Variants in NCAM1 observed in about 807,000 individuals in gnomAD.
NCAM1 encodes antigen recognized by monoclonal antibody 5.1H11.
In NCAM1, 14 loss-of-function variants were observed where a neutral mutation model predicts 109.8. The ratio of observed to expected loss-of-function variants is 0.13; its 90% CI spans 0.08 to 0.20. The LOEUF is 0.20. NCAM1 is among the 10% of genes least tolerant of loss of function. NCAM1 has a pLI of 1.00. For missense variants in NCAM1, 774 were observed against 1,109.9 expected, an observed-to-expected ratio of 0.70 and a Z score of 4.30; for synonymous variants, 418 against 442.9, an observed-to-expected ratio of 0.94 and a Z score of 0.70.
intron 1 of NCAM1, among the ~76,000 whole-genome samples, chr11:113,009,312 GTTTTTTTTT>G (rs781818836): frequency 3.1e-4 from 25 of 79,688 alleles, no homozygotes; most frequent in African/African-American, 1.1e-3. Flanking sequence ...GTTTTTTCGG[GTTTTTTTTT>G]TTTTTTTTTT....
intron 1 of NCAM1, among the ~76,000 whole-genome samples, chr11:113,084,595 T>C (rs1555087900): frequency 6.6e-6 from 1 of 152,208 alleles, no homozygotes; most frequent in East Asian, 1.9e-4. Flanking sequence ...GATGGGTTCT[T>C]ATGTACCATG....
intron 1 of NCAM1, among the ~76,000 whole-genome samples, chr11:113,105,633 A>G (rs530736895): frequency 6.6e-6 from 1 of 152,344 alleles, no homozygotes; most frequent in South Asian, 2.1e-4. Context: ...AAATGTTGAA[A>G]ACATTATGCT....
intron 1 of NCAM1, among the ~76,000 whole-genome samples, chr11:113,067,047 G>A (rs1321590877): frequency 2.1e-4 from 31 of 151,142 alleles, no homozygotes; most frequent in Non-Finnish European, 4.4e-5. Context: ...GAACACAATG[G>A]CATCTTCACA....
chr11:112,964,538 C>T (rs1565352088), intron 1 of NCAM1, among the ~76,000 whole-genome samples: 1 of 152,258 alleles, frequency 6.6e-6, no homozygotes, highest in East Asian at 1.9e-4. Context: ...GAACAAAGAG[C>T]TACTTTACAA....
chr11:113,003,216 C>A (rs149593518), intron 1 of NCAM1, among the ~76,000 whole-genome samples: 1 of 152,360 alleles, frequency 6.6e-6, no homozygotes, highest in East Asian at 1.9e-4. Flanking sequence ...TTATGTGTCT[C>A]TCTCTCACTC....
intron 1 of NCAM1, among the ~76,000 whole-genome samples, chr11:112,975,898 A>C (rs1950993697): frequency 6.6e-6 from 1 of 151,976 alleles, no homozygotes; most frequent in Non-Finnish European, 1.5e-5. Flanking sequence ...TTGAGAATAT[A>C]AACATTTCAC....
intron 1 of NCAM1, among the ~76,000 whole-genome samples, chr11:113,104,758 C>T (rs1303323622): frequency 1.3e-5 from 2 of 152,098 alleles, no homozygotes; most frequent in Non-Finnish European, 2.9e-5. Flanking sequence ...GCAGCTGAGT[C>T]CTGTAATATT....
chr11:113,251,398 G>T (rs139601002), intron 15 of NCAM1, among the ~76,000 whole-genome samples: 1 of 152,156 alleles, frequency 6.6e-6, no homozygotes, highest in Non-Finnish European at 1.5e-5. Context: ...CCTGCAATCG[G>T]CATGGCCAGA....
intron 1 of NCAM1, among the ~76,000 whole-genome samples, chr11:113,075,886 A>G (rs1938503042): frequency 6.6e-6 from 1 of 152,196 alleles, no homozygotes; most frequent in Non-Finnish European, 1.5e-5. Flanking sequence ...GCTTGTCATC[A>G]TCCTTGGCCA....
chr11:113,259,523 G>T (rs1039483706), intron 16 of NCAM1, among the ~76,000 whole-genome samples: 1 of 152,126 alleles, frequency 6.6e-6, no homozygotes, highest in South Asian at 2.1e-4. Flanking sequence ...TGTAGCCTGG[G>T]AGACAGGAGT....
intron 1 of NCAM1, among the ~76,000 whole-genome samples, chr11:113,126,180 T>C (rs1941169999): frequency 6.7e-6 from 1 of 149,640 alleles, no homozygotes; most frequent in African/African-American, 2.5e-5. Flanking sequence ...ATAGTAAGAA[T>C]AAAACCCTCC....
chr11:113,180,907 C>T (rs1466944318), intron 1 of NCAM1, among the ~76,000 whole-genome samples: 1 of 152,220 alleles, frequency 6.6e-6, no homozygotes, highest in Non-Finnish European at 1.5e-5. Flanking sequence ...CATGCTGCGT[C>T]CCAGAGATGA....
rs1946447090 is a variant in NCAM1, at chr11:113,278,301, C to CTT, written c.*2918_*2919dup. On this transcript the variant is annotated 3_prime_UTR_variant, in exon 20 of 20. Coordinates refer to ENST00000316851, the MANE Select transcript of NCAM1 (RefSeq NM_181351.5). ...GGGGGCCTTCTCTCTTGTTATAAAA[C>CTT]TTTTTACCAAGTGAAACATCGATAC... The CTT allele has an allele frequency of 6.6e-6, 1 of 152,170 alleles. No homozygotes were observed. The highest frequency in any genetic ancestry group is 2.4e-5 in the African/African-American group (1 of 41,438). The allele number at this position is 152,170 out of a possible 1,614,324, so 9.4% of individuals were successfully genotyped here. A position where few individuals can be genotyped will look rare whatever the true frequency, so the allele number is the denominator to read the frequency against.
intron 7 of NCAM1, among the ~76,000 whole-genome samples, chr11:113,210,952 A>G (rs568753526): frequency 6.6e-6 from 1 of 152,338 alleles, no homozygotes; most frequent in East Asian, 1.9e-4. Flanking sequence ...CTGAGTCCAC[A>G]CAGAATGGGA....
At chr11:113,250,864 C>A (rs1234042977) in intron 15 of NCAM1, among the ~76,000 whole-genome samples, 1 of 152,242 alleles carries the variant, frequency 6.6e-6, no homozygotes, top group Non-Finnish European at 1.5e-5. Flanking sequence ...GTGGTGCGAT[C>A]TCTGCTCACT....
chr11:113,078,249 G>C (rs1248265516), intron 1 of NCAM1, among the ~76,000 whole-genome samples: 3 of 152,062 alleles, frequency 2.0e-5, no homozygotes, highest in Non-Finnish European at 4.4e-5. Context: ...CTCTGCCTCT[G>C]TCTTCACATG....
intron 1 of NCAM1, among the ~76,000 whole-genome samples, chr11:113,014,912 C>T (rs1038074870): frequency 1.3e-5 from 2 of 152,216 alleles, no homozygotes; most frequent in Admixed American, 6.5e-5. Flanking sequence ...CCCAGAGCAG[C>T]AGGTGCTTCT....
intron 1 of NCAM1, among the ~76,000 whole-genome samples, chr11:113,039,477 C>T (rs1313422130): frequency 6.6e-6 from 1 of 152,192 alleles, no homozygotes; most frequent in Non-Finnish European, 1.5e-5. Flanking sequence ...TCATTTTCTT[C>T]AGTCATCTCA....
intron 1 of NCAM1, among the ~76,000 whole-genome samples, chr11:113,077,008 G>A (rs1938556721): frequency 6.6e-6 from 1 of 152,154 alleles, no homozygotes; most frequent in Non-Finnish European, 1.5e-5. Flanking sequence ...TTATACATGT[G>A]TCAACATGGG....
Sources: gnomAD v4.1 joint callset for allele counts (sites outside exome capture counted in the v4.1 genomes callset) on GRCh38, gnomAD v4.1.1 for gene constraint, MANE v1.5 for transcripts, NCBI Gene and HGNC (gene_info 2026-07-23, HGNC 2026-07-21) for gene names.